UIMC1: variants seen among roughly 807,000 people sequenced by gnomAD.
UIMC1 encodes BRCA1-A complex subunit RAP80.
In UIMC1, 42 loss-of-function variants were observed where a neutral mutation model predicts 84.9. The ratio of observed to expected loss-of-function variants is 0.49; its 90% confidence interval spans 0.39 to 0.64. The LOEUF is 0.64. Ranked by LOEUF, UIMC1 falls within the 30% of genes least tolerant of loss-of-function variation. The probability of loss-of-function intolerance (pLI) is 0.00; values close to 1 mark genes in which losing one functional copy is unlikely to be tolerated. For synonymous variants in UIMC1, 281 were observed against 293.0 expected (o/e 0.96, Z 0.42); for missense variants, 825 against 847.6 (o/e 0.97, Z 0.33).
chr5:176,957,227 G>T (rs1205498964), intron 7 of UIMC1, among the ~76,000 whole-genome samples: 2 of 152,100 alleles, frequency 1.3e-5, no homozygotes, highest in Non-Finnish European at 2.9e-5. Flanking sequence ...GGAATACCAA[G>T]TACTATCAAC....
intron 10 of UIMC1, among the ~76,000 whole-genome samples, chr5:176,920,241 T>C (rs566304218): frequency 1.1e-4 from 16 of 152,192 alleles, no homozygotes; most frequent in Non-Finnish European, 1.9e-4. Flanking sequence ...TTGGTAAGGC[T>C]AGTCTCGAAC....
intron 10 of UIMC1, among the ~76,000 whole-genome samples, chr5:176,926,701 T>C (rs964313642): frequency 6.6e-6 from 1 of 152,110 alleles, no homozygotes; most frequent in Non-Finnish European, 1.5e-5. Context: ...TAAAGTGTCA[T>C]GATTTATGCA....
Position 176,954,737 on chromosome 5 carries a change from A to C in UIMC1, c.1339+1222T>G, listed in dbSNP as rs536778746. On this transcript the variant is annotated intron_variant, in intron 8 of 14. Transcript: ENST00000511320. ...CGCCACTGCACTCCAGCCTGGGCAA[A>C]ACTCTGTCTCAAAAAAAAAAAAAAA... is the stretch of plus-strand genomic sequence containing the variant. Among the ~76,000 whole-genome samples the C allele has an allele frequency of 1.7e-3, 262 of 150,400 alleles. 4 individuals are homozygous for C. The highest frequency in any genetic ancestry group is 7.6e-3 in the South Asian group (36 of 4,718).
At chr5:176,909,477 T>C in intron 11 of UIMC1, among the ~76,000 whole-genome samples, 1 of 152,208 alleles carries the variant, frequency 6.6e-6, no homozygotes, top group East Asian at 1.9e-4. Flanking sequence ...CTAGTCTAAC[T>C]ATGGTCTTAT....
chr5:176,948,708 GTGAA>G (rs1319213458), intron 9 of UIMC1, among the ~76,000 whole-genome samples: 1 of 152,212 alleles, frequency 6.6e-6, no homozygotes, highest in African/African-American at 2.4e-5. Context: ...TAGCTGCCTA[GTGAA>G]TGAGTAAAGT....
chr5:177,017,509 T>C (rs545523943), intron 1 of UIMC1, among the ~76,000 whole-genome samples: 3 of 152,256 alleles, frequency 2.0e-5, no homozygotes, highest in Admixed American at 6.5e-5. Context: ...TGCCTCTGCC[T>C]CCTGAGTAGC....
chr5:177,007,377 G>GAAAAATAC (rs1775397116), upstream of UIMC1, among the ~76,000 whole-genome samples: 1 of 143,328 alleles, frequency 7.0e-6, no homozygotes, highest in African/African-American at 2.6e-5. Context: ...AGAAAGAAAA[G>GAAAAATAC]AAAAATACAG....
intron 11 of UIMC1, among the ~76,000 whole-genome samples, chr5:176,910,342 G>A (rs1759955709): frequency 6.6e-6 from 1 of 152,188 alleles, no homozygotes; most frequent in Admixed American, 6.5e-5. Context: ...ACTTTCAGGA[G>A]GAAGCACCTT....
Position 176,905,560 on chromosome 5 carries a change from GTATCAGGGGATTTTACA to G in UIMC1, c.1950-85_1950-69del, listed in dbSNP as rs1759252554. ...AAGCATCAAGGACATGCTATGCACT[GTATCAGGGGATTTTACA>G]TATCAGGGGATTATTAGTACAAATA... On this transcript the variant is annotated intron_variant, in intron 14 of 14. Coordinates refer to ENST00000511320, the MANE Select transcript of UIMC1 (RefSeq NM_001199298.2). 3 of 1,396,362 alleles carry G rather than the reference GTATCAGGGGATTTTACA, an allele frequency of 2.1e-6. No homozygotes were observed. In the African/African-American group the frequency reaches 4.3e-5, roughly 20 times the overall value. 86.5% of individuals were successfully genotyped at this position (1,396,362 alleles called of 1,614,324 possible). A position where few individuals can be genotyped will look rare whatever the true frequency, so the allele number is the denominator to read the frequency against.
intron 1 of UIMC1, among the ~76,000 whole-genome samples, chr5:177,003,376 C>T (rs1343920693): frequency 6.6e-6 from 1 of 152,070 alleles, no homozygotes; most frequent in African/African-American, 2.4e-5. Flanking sequence ...TAAGGTAGGC[C>T]GGGCGCGGTG....
At chr5:176,918,865 C>T (rs1041303547) in intron 10 of UIMC1, among the ~76,000 whole-genome samples, 1 of 152,136 alleles carries the variant, frequency 6.6e-6, no homozygotes, top group African/African-American at 2.4e-5. Context: ...ATTAGGTGTC[C>T]CTATCTGCTG....
At chr5:176,906,991 G>T in intron 13 of UIMC1, 123 bp downstream of exon 13, 1 of 932,584 alleles carries the variant, frequency 1.1e-6, no homozygotes, top group South Asian at 1.6e-5. Context: ...AGTCTCAAAG[G>T]CTGGCTGACT....
At chr5:177,013,441 A>C (rs1027238793) in intron 1 of UIMC1, among the ~76,000 whole-genome samples, 1 of 152,084 alleles carries the variant, frequency 6.6e-6, no homozygotes, top group Admixed American at 6.6e-5. Flanking sequence ...ACTTATTTAC[A>C]TAATGGAAGG....
At chr5:176,954,554 C>A (rs779302226) in intron 8 of UIMC1, among the ~76,000 whole-genome samples, 3 of 151,786 alleles carry the variant, frequency 2.0e-5, no homozygotes, top group Admixed American at 2.0e-4. Context: ...GGGAAACACA[C>A]CAAGACCTCG....
chr5:176,944,641 C>T (rs1486050292), intron 9 of UIMC1, among the ~76,000 whole-genome samples: 1 of 152,188 alleles, frequency 6.6e-6, no homozygotes, highest in Admixed American at 6.5e-5. Context: ...ACCAAAACTT[C>T]AATGCATAGA....
At chr5:176,964,210 C>G (rs898876152) in intron 6 of UIMC1, among the ~76,000 whole-genome samples, 2 of 152,232 alleles carry the variant, frequency 1.3e-5, no homozygotes, top group Non-Finnish European at 1.5e-5. Context: ...TTTCTACCCA[C>G]ATTTCCTGAA....
chr5:176,905,598 A>G (rs1027635754), intron 14 of UIMC1, 106 bp from the exon 15 acceptor site: 2 of 1,045,178 alleles, frequency 1.9e-6, no homozygotes, highest in Non-Finnish European at 2.7e-6. Context: ...TTATTAGTAC[A>G]AATAATCTTT....
chr5:176,914,894 C>T (rs1010353568), intron 10 of UIMC1, among the ~76,000 whole-genome samples: 7 of 152,204 alleles, frequency 4.6e-5, no homozygotes, highest in Non-Finnish European at 1.0e-4. Flanking sequence ...CCAGCCCATA[C>T]TTCTCTATCT....
rs754938539 is a variant in UIMC1 at position 176,933,927 on chromosome 5, T to TC, written c.1597+9407dup. ...AATTAAGCAAGAAGCCCTCCCTTAC[T>TC]CCACCAATCACCAATCAGATTTAAT... On this transcript the variant is annotated intron_variant, in intron 10 of 14. Transcript: ENST00000511320. Among the ~76,000 whole-genome samples, 13 of 152,246 alleles carry TC rather than the reference T, an allele frequency of 8.5e-5. No homozygotes were observed. In the East Asian group the frequency reaches 2.5e-3, roughly 29 times the overall value.
Sources: allele counts gnomAD v4.1 joint callset (sites outside exome capture counted in the v4.1 genomes callset), GRCh38; gene constraint gnomAD v4.1.1; transcripts MANE v1.5; gene names NCBI Gene and HGNC (gene_info 2026-07-23, HGNC 2026-07-21).